UBAP2L: variants seen among roughly 807,000 people sequenced by gnomAD.
UBAP2L encodes the protein ubiquitin associated protein 2 like.
In UBAP2L, 12 loss-of-function variants were observed where a neutral mutation model predicts 130.6. That is an observed-to-expected ratio of 0.09 (90% confidence interval 0.06 to 0.15). UBAP2L has a LOEUF of 0.15. UBAP2L is among the 10% of genes least tolerant of loss of function. UBAP2L has a pLI of 1.00. For missense variants in UBAP2L, 965 were observed against 1,332.5 expected (o/e 0.72, Z 4.29); for synonymous variants, 503 against 524.7 (o/e 0.96, Z 0.57).
intron 14 of UBAP2L, among the ~76,000 whole-genome samples, chr1:154,252,514 C>T (rs968903178): frequency 1.3e-5 from 2 of 151,534 alleles, no homozygotes; most frequent in African/African-American, 2.4e-5. Context: ...CTCCTGACCT[C>T]GGGTGATCTG....
At chr1:154,226,629 G>A (rs1434737241) in intron 2 of UBAP2L, among the ~76,000 whole-genome samples, 1 of 152,204 alleles carries the variant, frequency 6.6e-6, no homozygotes, top group African/African-American at 2.4e-5. Flanking sequence ...AGGAATAAGA[G>A]GATGGCGTTG....
intron 24 of UBAP2L, among the ~76,000 whole-genome samples, chr1:154,262,774 C>G (rs115626166): frequency 1.6e-3 from 239 of 152,174 alleles, no homozygotes; most frequent in African/African-American, 5.5e-3. Context: ...AGATTTAATA[C>G]ATAGACTCCT....
intron 22 of UBAP2L, 79 bp downstream of exon 22, chr1:154,260,108 A>G: frequency 2.1e-6 from 3 of 1,441,706 alleles, no homozygotes; most frequent in South Asian, 2.3e-5. Context: ...TGGTAGCAAG[A>G]AGGGATGTGA....
intron 6 of UBAP2L, among the ~76,000 whole-genome samples, chr1:154,236,320 C>T (rs1671660894): frequency 6.6e-6 from 1 of 152,060 alleles, no homozygotes; most frequent in Admixed American, 6.6e-5. Context: ...TGCCTCAGCC[C>T]CTCAAGGAGC....
chr1:154,234,770 G>A lies in UBAP2L; in HGVS notation c.448+11G>A. 1 of 1,574,864 alleles carries A rather than the reference G, an allele frequency of 6.3e-7. No homozygotes were observed. The highest frequency in any genetic ancestry group is 8.6e-7 in the Non-Finnish European group (1 of 1,158,884). ...GCCGTGGACGAGAGTGTATGCATGG[G>A]GCTTTATCAAAACCAGCTGTGGGTC... On this transcript the variant is annotated intron_variant, in intron 5 of 26. Transcript: ENST00000428931.
chr1:154,237,005 T>G lies in UBAP2L; in HGVS notation c.591-19T>G, dbSNP rs368302276. 423 of 1,603,040 alleles carry G rather than the reference T, an allele frequency of 2.6e-4. No homozygotes were observed. Among genetic ancestry groups the G allele is most frequent in the Non-Finnish European group, 3.2e-4 (375 of 1,170,646 alleles). ...AAGCTGCTTAGAGGTCAGAGACTCTTAAGTTTTATTTTTTCCAGAACCTTT... is the reference window on the plus strand; with the variant it reads ...AAGCTGCTTAGAGGTCAGAGACTCTGAAGTTTTATTTTTTCCAGAACCTTT... On this transcript the variant is annotated intron_variant, in intron 7 of 26. Transcript: ENST00000428931.
At chr1:154,236,692 G>T (rs1671796660) in intron 7 of UBAP2L, 81 bp downstream of exon 7, 2 of 1,480,862 alleles carry the variant, frequency 1.4e-6, no homozygotes, top group Middle Eastern at 1.7e-4. Flanking sequence ...TGATCAGAAT[G>T]ATTTCTAGAC....
At chr1:154,250,623 G>A (rs183173733) in intron 12 of UBAP2L, among the ~76,000 whole-genome samples, 20 of 152,202 alleles carry the variant, frequency 1.3e-4, no homozygotes, top group Non-Finnish European at 2.5e-4. Flanking sequence ...AGAAGCCGAG[G>A]CGGACGGATC....
chr1:154,247,091 C>T (rs56065125), intron 11 of UBAP2L, among the ~76,000 whole-genome samples: 1,733 of 152,256 alleles, frequency 0.011, 10 homozygotes, highest in Middle Eastern at 0.027. Flanking sequence ...AGAAGTACTG[C>T]TTTTTCTTTT....
In UBAP2L at chr1:154,270,788, T is replaced by TTTTTTTTTTTTTTA; in HGVS notation, c.*493_*494insTTTTTTTTTTTTTA. The TTTTTTTTTTTTTTA allele has an allele frequency of 8.1e-7, 1 of 1,240,626 alleles. No homozygotes were observed. Among genetic ancestry groups the TTTTTTTTTTTTTTA allele is most frequent in the Admixed American group, 3.4e-5 (1 of 29,210 alleles). 76.9% of individuals were successfully genotyped at this position (1,240,626 alleles called of 1,614,324 possible). On this transcript the variant is annotated 3_prime_UTR_variant, in exon 27 of 27. Coordinates refer to ENST00000428931, the MANE Select transcript of UBAP2L (RefSeq NM_014847.4). ...TTTTTTTGTTTTTTTTTTTTTTTTG[T>TTTTTTTTTTTTTTA]ACTGTGTCCTCAAATTTAATGGATT...
At position 154,249,015 on chromosome 1, in the gene UBAP2L, G is replaced by A. The variant is rs144689862; in HGVS notation, c.1015-224G>A. On this transcript the variant is annotated intron_variant, in intron 11 of 26. Coordinates refer to ENST00000428931, the MANE Select transcript of UBAP2L (RefSeq NM_014847.4). ...TTATTCCTATTTCCAGATGAGGAAA[G>A]AGAGATTAAAAAATAGTTTTTCCAA... Among the ~76,000 whole-genome samples the A allele has an allele frequency of 1.1e-4, 17 of 152,256 alleles. No homozygotes were observed. The East Asian group carries it at 3.1e-3, about 28-fold the overall frequency.
chr1:154,249,472 C>T, intron 12 of UBAP2L, 35 bp downstream of exon 12: 2 of 1,612,522 alleles, frequency 1.2e-6, no homozygotes, highest in Non-Finnish European at 1.7e-6. Flanking sequence ...ATCTTTAAAG[C>T]ATTGGAGCAT....
Position 154,234,634 on chromosome 1 carries a change from A to G in UBAP2L, c.323A>G (p.Gln108Arg). The G allele has an allele frequency of 6.2e-7, 1 of 1,614,164 alleles. No homozygotes were observed. Among genetic ancestry groups the G allele is most frequent in the Non-Finnish European group, 8.5e-7 (1 of 1,180,016 alleles). ...MVGKKKGVSG[Q>R]KDGGQTESNE... ...GGGAAGAAGAAGGGAGTCTCAGGCCAGAAGGATGGTGGCCAGACGGAATCC... is the reference window on the plus strand; with the variant it reads ...GGGAAGAAGAAGGGAGTCTCAGGCCGGAAGGATGGTGGCCAGACGGAATCC... Residue 108 changes from glutamine to arginine, a missense_variant, in exon 5 of 27, where the codon CAG (glutamine) becomes CGG (arginine). Gln to Arg is a conservative substitution (Grantham distance 43). This residue lies in a region of UBAP2L where 109 missense variants were observed against 146.6 expected (regional missense o/e 0.74). Coordinates refer to ENST00000428931, the MANE Select transcript of UBAP2L (RefSeq NM_014847.4).
Position 154,253,967 on chromosome 1 carries a change from T to G in UBAP2L, c.1732T>G (p.Ser578Ala). The change falls in exon 15 of 27, where the codon TCG (serine) becomes GCG (alanine). Residue 578 changes from serine (S) to alanine (A), a missense_variant. Ser to Ala is a moderately conservative substitution (Grantham distance 99). This residue lies in a region of UBAP2L where 393 missense variants were observed against 408.1 expected (regional missense o/e 0.96). Coordinates refer to ENST00000428931, the MANE Select transcript of UBAP2L (RefSeq NM_014847.4). ...ESGYQSGPIQ[S>A]TTYTSQNNAQ... is the part of the protein sequence containing the mutation. Reference sequence around the variant, plus strand: ...TGGTTATCAGAGCGGCCCAATTCAGTCGACAACCTATACCTCCCAAAATAA... The same window carrying G: ...TGGTTATCAGAGCGGCCCAATTCAGGCGACAACCTATACCTCCCAAAATAA... 6.2e-7 allele frequency: 1 copy of G among 1,614,108 alleles called. No individual in the cohort carries two copies. The highest frequency in any genetic ancestry group is 8.5e-7 in the Non-Finnish European group (1 of 1,180,020).
intron 20 of UBAP2L, among the ~76,000 whole-genome samples, chr1:154,258,278 A>G (rs969164697): frequency 1.3e-5 from 2 of 152,198 alleles, no homozygotes; most frequent in African/African-American, 4.8e-5. Flanking sequence ...CCTGGCCCCA[A>G]GAATTATTTT....
At position 154,251,266 on chromosome 1, in the gene UBAP2L, C is replaced by T. The variant is rs764105825; in HGVS notation, c.1439C>T (p.Pro480Leu). Residue 480 changes from proline (P) to leucine (L), a missense_variant, in exon 13 of 27, where the codon CCG becomes CTG. Physicochemically the swap from Pro to Leu is moderately conservative, Grantham distance 98 (BLOSUM62 -3). Transcript: ENST00000428931. ...SSDNQSSSPQ[P>L]AQQKLKQQKK... is the part of the protein sequence containing the mutation. The stretch of plus-strand genomic sequence containing the variant: ...GACAACCAGTCCTCTAGCCCTCAGC[C>T]GGCTCAGCAGAAACTGAAACAGCAG... 12 of 1,614,148 alleles carry T rather than the reference C, an allele frequency of 7.4e-6. No individual in the cohort carries two copies. Among genetic ancestry groups the T allele is most frequent in the South Asian group, 1.1e-5 (1 of 91,078 alleles).
At chr1:154,266,602 A>G (rs1398656375) in intron 25 of UBAP2L, 34 bp downstream of exon 25, 10 of 1,600,900 alleles carry the variant, frequency 6.2e-6, no homozygotes, top group Non-Finnish European at 8.6e-6. Flanking sequence ...AGTGGAAAAG[A>G]GATAGACATA....
At chr1:154,235,765 A>T (rs746326375) in intron 6 of UBAP2L, among the ~76,000 whole-genome samples, 1 of 151,958 alleles carries the variant, frequency 6.6e-6, no homozygotes, top group Non-Finnish European at 1.5e-5. Context: ...CCGCCTCGCT[A>T]ATTTTTAAAT....
intron 24 of UBAP2L, among the ~76,000 whole-genome samples, chr1:154,265,249 G>C (rs943648188): frequency 6.6e-6 from 1 of 152,134 alleles, no homozygotes; most frequent in African/African-American, 2.4e-5. Context: ...GGCATTGGGA[G>C]GATTTAGGTT....
Sources: allele counts gnomAD v4.1 joint callset (sites outside exome capture counted in the v4.1 genomes callset), GRCh38; gene constraint gnomAD v4.1.1; regional missense constraint gnomAD v4.1.1; transcripts MANE v1.5; gene names NCBI Gene and HGNC (gene_info 2026-07-23, HGNC 2026-07-21).